CLTCL1: variants seen among roughly 807,000 people sequenced by gnomAD.
The protein encoded by CLTCL1 is clathrin heavy chain 2.
CLTCL1 carries 159 observed loss-of-function variants against 190.0 expected under a neutral mutation model. The ratio of observed to expected loss-of-function variants is 0.84; its 90% CI spans 0.74 to 0.95. CLTCL1 has a LOEUF of 0.95. CLTCL1 is among the 40% of genes least tolerant of loss of function. The probability of loss-of-function intolerance (pLI) is 0.00; values close to 1 mark genes in which losing one functional copy is unlikely to be tolerated. For missense variants in CLTCL1, 1,878 were observed against 2,033.4 expected, an observed-to-expected ratio of 0.92 and a Z score of 1.47; for synonymous variants, 752 against 769.6, an observed-to-expected ratio of 0.98 and a Z score of 0.38.
intron 2 of CLTCL1, among the ~76,000 whole-genome samples, chr22:19,274,301 A>G (rs569980025): frequency 2.0e-5 from 3 of 152,206 alleles, no homozygotes; most frequent in East Asian, 1.9e-4. Context: ...CTTCTCTACA[A>G]ATATTTTTTT....
At position 19,179,987 on chromosome 22, in the gene CLTCL1, CA is replaced by C; in HGVS notation, c.*21-19del. 1.7e-6 allele frequency: 1 copy of C among 584,766 alleles called. No homozygotes were observed. Among genetic ancestry groups the C allele is most frequent in the Non-Finnish European group, 3.0e-6 (1 of 328,748 alleles). The allele number at this position is 584,766 out of a possible 1,614,324, so 36.2% of individuals were successfully genotyped here. ...GGCAGGGCCTGCAGAGGGGGAAGCC[CA>C]CAATGAGCAGAGCTCTTCCTGCCCA... On this transcript the variant is annotated intron_variant, in intron 32 of 32. Transcript: ENST00000427926.
At chr22:19,217,615 C>CAAAAAAAAAGAAAAAAAAAAAAAAA (rs2085428908) in intron 18 of CLTCL1, among the ~76,000 whole-genome samples, 1 of 34,770 alleles carries the variant, frequency 2.9e-5, no homozygotes, top group Non-Finnish European at 5.6e-5. Context: ...GACTCTGTCT[C>CAAAAAAAAAGAAAAAAAAAAAAAAA]AAAAAAAAAA....
intron 1 of CLTCL1, 92 bp from the exon 2 acceptor site, chr22:19,275,922 T>A: frequency 1.8e-6 from 2 of 1,135,560 alleles, no homozygotes; most frequent in Admixed American, 2.4e-5. Context: ...AAATAAAATT[T>A]AGAAAAAAGT....
intron 5 of CLTCL1, among the ~76,000 whole-genome samples, chr22:19,238,075 A>C (rs1446779997): frequency 6.6e-6 from 1 of 151,932 alleles, no homozygotes; most frequent in African/African-American, 2.4e-5. Flanking sequence ...TTTTATTTTT[A>C]TTCTTATTTA....
rs782085326 is a variant in CLTCL1, at chr22:19,254,147, A to G, written c.331T>C (p.Trp111Arg). Residue 111 changes from tryptophan to arginine, a missense_variant, in exon 3 of 33, where the codon TGG (tryptophan) becomes CGG (arginine). By Grantham distance (101) the Trp-to-Arg change is moderately radical (BLOSUM62 -3). Transcript: ENST00000427926. ...AHTMAEEVIF[W>R]KWVSVNTVAL... ...ACAGTGTTCACAGAAACCCATTTCC[A>G]GAAAATCACTTCTTCTGCCATAGTA... is the stretch of plus-strand genomic sequence containing the variant. 6.2e-7 allele frequency: 1 copy of G among 1,613,920 alleles called. No homozygotes were observed. Among genetic ancestry groups the G allele is most frequent in the South Asian group, 1.1e-5 (1 of 91,060 alleles).
At position 19,198,590 on chromosome 22, in the gene CLTCL1, G is replaced by C. The variant is rs990507994; in HGVS notation, c.3873+1144C>G. 2.6e-5 allele frequency among the ~76,000 whole-genome samples: 4 copies of C among 152,036 alleles called. No homozygotes were observed. The highest frequency in any genetic ancestry group is 4.4e-5 in the Non-Finnish European group (3 of 68,010). On this transcript the variant is annotated intron_variant, in intron 24 of 32. Transcript: ENST00000427926. The surrounding 1 kb of genome is among the most constrained non-coding windows in gnomAD (Gnocchi z 4.1). ...TGACCCTTCCCTCAAATGTTCCCAT[G>C]ACCAAATCCTTCCATTTCTTCAGGT...
At chr22:19,276,864 G>A (rs1601721421) in intron 1 of CLTCL1, among the ~76,000 whole-genome samples, 4 of 152,120 alleles carry the variant, frequency 2.6e-5, no homozygotes, top group East Asian at 1.9e-4. Flanking sequence ...AGTAGAGACG[G>A]GGTTTCACCG....
chr22:19,291,581 C>T lies in CLTCL1; in HGVS notation c.42+19G>A. On this transcript the variant is annotated intron_variant, in intron 1 of 32. Coordinates refer to ENST00000427926, the MANE Select transcript of CLTCL1 (RefSeq NM_007098.4). ...GAGGCGCGGCTGACAGGGCAGCCCCCCAGCCCGCCGGGCCTCACCTGGAAG... is the reference window on the plus strand; with the variant it reads ...GAGGCGCGGCTGACAGGGCAGCCCCTCAGCCCGCCGGGCCTCACCTGGAAG... 1 of 1,369,270 alleles carries T rather than the reference C, an allele frequency of 7.3e-7. No homozygotes were observed. Among genetic ancestry groups the T allele is most frequent in the African/African-American group, 1.5e-5 (1 of 66,382 alleles). 84.8% of individuals were successfully genotyped at this position (1,369,270 alleles called of 1,614,324 possible). A position where few individuals can be genotyped will look rare whatever the true frequency, so the allele number is the denominator to read the frequency against.
chr22:19,271,979 T>C (rs1004870084), intron 2 of CLTCL1, among the ~76,000 whole-genome samples: 6 of 152,126 alleles, frequency 3.9e-5, no homozygotes, highest in African/African-American at 1.4e-4. Flanking sequence ...CATGGTGGCA[T>C]GTGCCTGTAG....
chr22:19,204,519 A>G (rs952014112), intron 22 of CLTCL1, among the ~76,000 whole-genome samples: 1 of 152,160 alleles, frequency 6.6e-6, no homozygotes, highest in Non-Finnish European at 1.5e-5. Flanking sequence ...CATTTAATAG[A>G]TCACAGTATT....
intron 1 of CLTCL1, among the ~76,000 whole-genome samples, chr22:19,277,495 C>T (rs927385757): frequency 3.3e-5 from 5 of 152,038 alleles, no homozygotes; most frequent in Admixed American, 6.6e-5. Context: ...AATGAGTCCA[C>T]CAAAACAAAC....
intron 3 of CLTCL1, among the ~76,000 whole-genome samples, chr22:19,252,988 T>C (rs1376244574): frequency 2.2e-5 from 3 of 135,720 alleles, no homozygotes; most frequent in Non-Finnish European, 4.6e-5. Context: ...CACTCCAGCT[T>C]GGGTGACAGA....
Position 19,225,446 on chromosome 22 carries a change from G to A in CLTCL1, c.2128+7C>T, listed in dbSNP as rs782258993. The A allele has an allele frequency of 1.3e-6, 2 of 1,571,644 alleles. No homozygotes were observed. The highest frequency in any genetic ancestry group is 1.7e-6 in the Non-Finnish European group (2 of 1,156,906). On this transcript the variant is annotated splice_region_variant and intron_variant, in intron 13 of 32. Coordinates refer to ENST00000427926, the MANE Select transcript of CLTCL1 (RefSeq NM_007098.4). ...TGGTGGGGTCGGCGAGAGGCTGCAT[G>A]GTTTACCTTTGTAACTCTTGAAGGA...
intron 4 of CLTCL1, among the ~76,000 whole-genome samples, chr22:19,242,290 A>C (rs1233282800): frequency 7.2e-6 from 1 of 139,522 alleles, no homozygotes; most frequent in Admixed American, 7.2e-5. Flanking sequence ...GTGTGGAAGG[A>C]TTTTTTTTTT....
In CLTCL1 at chr22:19,233,462, C is replaced by T; in HGVS notation, c.1328G>A (p.Gly443Glu). 1.9e-6 allele frequency: 3 copies of T among 1,613,780 alleles called. No individual in the cohort carries two copies. Among genetic ancestry groups the T allele is most frequent in the Non-Finnish European group, 2.5e-6 (3 of 1,179,812 alleles). ...LELCHLVLQQ[G>E]RKQLLEKWLK... ...CCACTTCTCTAGGAGTTGCTTACGC[C>T]CCTGCTGAAGAACCAGATGGCAAAG... Residue 443 changes from glycine to glutamate, a missense_variant, in exon 8 of 33, where the codon GGG (glycine) becomes GAG (glutamate). Coordinates refer to ENST00000427926, the MANE Select transcript of CLTCL1 (RefSeq NM_007098.4).
At chr22:19,185,369 C>T (rs1555927819) in intron 29 of CLTCL1, among the ~76,000 whole-genome samples, 1 of 151,696 alleles carries the variant, frequency 6.6e-6, no homozygotes, top group Admixed American at 6.6e-5. Flanking sequence ...CTCTGTCACC[C>T]AGGCTGGAGT....
chr22:19,225,393 A>T (rs1555955166), intron 13 of CLTCL1, 60 bp downstream of exon 13: 3 of 1,469,762 alleles, frequency 2.0e-6, no homozygotes. Context: ...GGTAGGCAGC[A>T]ACACCTGAGA....
intron 11 of CLTCL1, 81 bp from the exon 12 acceptor site, chr22:19,226,464 G>T: frequency 1.3e-6 from 2 of 1,519,554 alleles, no homozygotes; most frequent in Admixed American, 1.7e-5. Flanking sequence ...TTGCCCCAGG[G>T]TAGGGTATAG....
chr22:19,232,512 T>A lies in CLTCL1; in HGVS notation c.1608A>T (p.Leu536=), dbSNP rs1488035646. The A allele has an allele frequency of 6.2e-7, 1 of 1,614,042 alleles. No individual in the cohort carries two copies. The highest frequency in any genetic ancestry group is 2.2e-5 in the East Asian group (1 of 44,886). Residue 536 remains leucine (L), a synonymous_variant, in exon 10 of 33, where the codon CTA becomes CTT. Coordinates refer to ENST00000427926, the MANE Select transcript of CLTCL1 (RefSeq NM_007098.4). ...PEQGLQFSRM[L]VQDEEPLANI... ...TGGCCAGCGGCTCCTCGTCCTGCAC[T>A]AGCATTCGAGAAAACTGCAGGCCCT... is the stretch of plus-strand genomic sequence containing the variant.
Sources: gnomAD v4.1 joint callset for allele counts (sites outside exome capture counted in the v4.1 genomes callset) on GRCh38, gnomAD v4.1.1 for gene constraint, Gnocchi (gnomAD v3.1) non-coding constraint, MANE v1.5 for transcripts, NCBI Gene and HGNC (gene_info 2026-07-23, HGNC 2026-07-21) for gene names.